Variants in MAPK9 observed in about 807,000 individuals in gnomAD.
The protein encoded by MAPK9 is mitogen-activated protein kinase 9, also known as Jun kinase.
Under a neutral mutation model 57.1 loss-of-function variants are expected in MAPK9, and 30 were observed. The ratio of observed to expected loss-of-function variants is 0.53; its 90% confidence interval spans 0.39 to 0.71. The LOEUF is 0.71. MAPK9 is among the 30% of genes least tolerant of loss of function. The probability of loss-of-function intolerance (pLI) is 0.00; values close to 1 mark genes in which losing one functional copy is unlikely to be tolerated. For synonymous variants in MAPK9, 155 were observed against 177.0 expected (o/e 0.88, Z 0.99); for missense variants, 362 against 521.0 (o/e 0.69, Z 2.97).
At position 180,247,384 on chromosome 5, in the gene MAPK9, T is replaced by C. The variant is rs1758219921; in HGVS notation, c.688+55A>G. The C allele has an allele frequency of 6.2e-7, 1 of 1,610,740 alleles. No individual in the cohort carries two copies. The highest frequency in any genetic ancestry group is 1.3e-5 in the African/African-American group (1 of 74,980). On this transcript the variant is annotated intron_variant, in intron 7 of 11. Coordinates refer to ENST00000452135, the MANE Select transcript of MAPK9 (RefSeq NM_002752.5). This position sits in a 1 kb window ranked among gnomAD's most constrained non-coding sequence, Gnocchi z 4.5. ...GAGCGCTCGTGTAAGCAGGTGGTCATGCTGCCTGAGGCATTAAGAAAGCAT... is the reference window on the plus strand; with the variant it reads ...GAGCGCTCGTGTAAGCAGGTGGTCACGCTGCCTGAGGCATTAAGAAAGCAT...
chr5:180,285,546 CAACT>C (rs1169985064), intron 1 of MAPK9, among the ~76,000 whole-genome samples: 4 of 152,202 alleles, frequency 2.6e-5, no homozygotes, highest in Non-Finnish European at 5.9e-5. Context: ...ATATTTAAAT[CAACT>C]AACTATTGTG....
intron 2 of MAPK9, among the ~76,000 whole-genome samples, chr5:180,271,841 C>G (rs1761355499): frequency 6.6e-6 from 1 of 152,202 alleles, no homozygotes; most frequent in South Asian, 2.1e-4. Context: ...ATCATGTCCT[C>G]TTTGTTTCAT....
At chr5:180,242,206 G>A (rs1245766132) in intron 8 of MAPK9, among the ~76,000 whole-genome samples, 2 of 152,170 alleles carry the variant, frequency 1.3e-5, no homozygotes, top group African/African-American at 4.8e-5. Context: ...AAGGGTGCAG[G>A]AGAAGGTGGG....
chr5:180,277,650 AC>A (rs1293350173), intron 2 of MAPK9, among the ~76,000 whole-genome samples: 1 of 152,210 alleles, frequency 6.6e-6, no homozygotes, highest in African/African-American at 2.4e-5. Context: ...ATTTTCAAGT[AC>A]AATAGTGATG....
At chr5:180,255,908 G>A (rs372593560) in intron 5 of MAPK9, among the ~76,000 whole-genome samples, 2 of 152,158 alleles carry the variant, frequency 1.3e-5, no homozygotes, top group African/African-American at 4.8e-5. Flanking sequence ...AGAGGTGGAG[G>A]TATCTGTTTT....
At position 180,234,400 on chromosome 5, in the gene MAPK9, G is replaced by A. The variant is rs1757036507; in HGVS notation, c.*1984C>T. The stretch of plus-strand genomic sequence containing the variant: ...GCACGCTCGCCTCTACCTGGTGGAA[G>A]ATGGCCTTTCCAGGAAACCCTCCAC... On this transcript the variant is annotated 3_prime_UTR_variant, in exon 12 of 12. Transcript: ENST00000452135. 6.6e-6 allele frequency: 1 copy of A among 152,258 alleles called. No homozygotes were observed. Among genetic ancestry groups the A allele is most frequent in the Non-Finnish European group, 1.5e-5 (1 of 68,062 alleles). 9.4% of individuals were successfully genotyped at this position (152,258 alleles called of 1,614,324 possible). A position where few individuals can be genotyped will look rare whatever the true frequency, so the allele number is the denominator to read the frequency against.
intron 1 of MAPK9, among the ~76,000 whole-genome samples, chr5:180,285,302 C>T (rs1762637367): frequency 6.6e-6 from 1 of 152,152 alleles, no homozygotes; most frequent in Non-Finnish European, 1.5e-5. Flanking sequence ...AGTGTTTCAC[C>T]ACAATATTCA....
chr5:180,286,484 C>T (rs1230300333), intron 1 of MAPK9, among the ~76,000 whole-genome samples: 2 of 151,758 alleles, frequency 1.3e-5, no homozygotes, highest in African/African-American at 2.4e-5. Context: ...GGTATAACAA[C>T]GTAATCTTTC....
chr5:180,253,463 G>A (rs1047196482), intron 5 of MAPK9: 7 of 152,452 alleles, frequency 4.6e-5, no homozygotes. Context: ...GGCTCAGCAA[G>A]TGAAATGCAG....
chr5:180,242,273 C>T (rs1757733657), intron 8 of MAPK9, among the ~76,000 whole-genome samples: 1 of 152,212 alleles, frequency 6.6e-6, no homozygotes, highest in Non-Finnish European at 1.5e-5. Context: ...CTAGAATCTG[C>T]ATTAAGTGTT....
chr5:180,277,590 C>T (rs1173822425), intron 2 of MAPK9, among the ~76,000 whole-genome samples: 1 of 152,038 alleles, frequency 6.6e-6, no homozygotes. Flanking sequence ...ACATCTCAGG[C>T]GGGACCATTA....
chr5:180,254,444 A>G (rs1759057417), intron 5 of MAPK9, among the ~76,000 whole-genome samples: 1 of 152,220 alleles, frequency 6.6e-6, no homozygotes, highest in South Asian at 2.1e-4. Context: ...ATGCAACAAG[A>G]ACAGAATGCT....
intron 2 of MAPK9, among the ~76,000 whole-genome samples, chr5:180,275,211 T>C (rs1445242276): frequency 6.6e-6 from 1 of 152,192 alleles, no homozygotes; most frequent in Non-Finnish European, 1.5e-5. Flanking sequence ...ATAAAACTGT[T>C]TGCTATCTAG....
rs1218687597 is a variant in MAPK9 at position 180,291,962 on chromosome 5, C to T, written c.-162G>A. On this transcript the variant is annotated 5_prime_UTR_variant, in exon 1 of 12. Transcript: ENST00000452135. ...GCTCCGCCGCCGGCCCGCCCCGCTC[C>T]GCTCCGCCCCGCCGCCGCCGCCGCC... 1.6e-5 allele frequency: 2 copies of T among 125,178 alleles called. No homozygotes were observed. The highest frequency in any genetic ancestry group is 3.1e-5 in the Non-Finnish European group (2 of 63,930). 7.8% of individuals were successfully genotyped at this position (125,178 alleles called of 1,614,324 possible).
intron 7 of MAPK9, among the ~76,000 whole-genome samples, chr5:180,244,733 C>T (rs552737758): frequency 1.4e-3 from 201 of 147,088 alleles, no homozygotes; most frequent in Non-Finnish European, 2.0e-3. Context: ...GAGATCGCAT[C>T]GCTGCCCTCC....
rs35251898 is a variant in MAPK9 at position 180,250,463 on chromosome 5, C to T, written c.451-1325G>A. On this transcript the variant is annotated intron_variant, in intron 5 of 11. Transcript: ENST00000452135. ...CCTGCAATGTCAAACTGCCAAGCCA[C>T]TGACATGGCGTAAGGCATGAGGATA... 2.1e-3 allele frequency among the ~76,000 whole-genome samples: 315 copies of T among 152,308 alleles called. 2 individuals carry two copies. The highest frequency in any genetic ancestry group is 7.3e-3 in the African/African-American group (302 of 41,566).
chr5:180,239,382 G>A (rs982400330), intron 10 of MAPK9, among the ~76,000 whole-genome samples: 3 of 152,214 alleles, frequency 2.0e-5, no homozygotes, highest in African/African-American at 7.2e-5. Flanking sequence ...CCACACCCCA[G>A]GATGGCCCTG....
intron 1 of MAPK9, among the ~76,000 whole-genome samples, chr5:180,285,900 A>C (rs1431192616): frequency 6.6e-6 from 1 of 151,484 alleles, no homozygotes; most frequent in Admixed American, 6.6e-5. Context: ...AACATGGTGA[A>C]ACTCCGTCTC....
intron 2 of MAPK9, among the ~76,000 whole-genome samples, chr5:180,278,322 A>C (rs893328295): frequency 6.6e-6 from 1 of 152,258 alleles, no homozygotes; most frequent in Non-Finnish European, 1.5e-5. Flanking sequence ...TGGTGATTCT[A>C]CAATATACAC....
Sources: gnomAD v4.1 joint callset for allele counts (sites outside exome capture counted in the v4.1 genomes callset) on GRCh38, gnomAD v4.1.1 for gene constraint, Gnocchi (gnomAD v3.1) non-coding constraint, MANE v1.5 for transcripts, NCBI Gene and HGNC (gene_info 2026-07-23, HGNC 2026-07-21) for gene names.